The following FAM3C variants were observed in gnomAD, a reference collection of about 807,000 sequenced individuals.
The protein encoded by FAM3C is protein FAM3C.
A neutral mutation model predicts 32.5 loss-of-function variants in FAM3C; 15 were observed. The ratio of observed to expected loss-of-function variants is 0.46; its 90% CI spans 0.31 to 0.71. The LOEUF is 0.71. FAM3C is among the 30% of genes least tolerant of loss of function. The probability of loss-of-function intolerance (pLI) is 0.05; values close to 1 mark genes in which losing one functional copy is unlikely to be tolerated. For synonymous variants in FAM3C, 75 were observed against 86.1 expected, an observed-to-expected ratio of 0.87 and a Z score of 0.72; for missense variants, 175 against 274.4, an observed-to-expected ratio of 0.64 and a Z score of 2.56.
chr7:121,390,919 A>G (rs2116973486), intron 1 of FAM3C, among the ~76,000 whole-genome samples: 1 of 146,638 alleles, frequency 6.8e-6, no homozygotes, highest in East Asian at 2.1e-4. Flanking sequence ...TAAAATTCAC[A>G]TGACAAGATT....
Position 121,364,169 on chromosome 7 carries a change from TCTTAACACCA to T in FAM3C, c.282_291del (p.Ser94ArgfsTer21). 3 of 1,597,374 alleles carry T rather than the reference TCTTAACACCA, an allele frequency of 1.9e-6. No homozygotes were observed. The highest frequency in any genetic ancestry group is 2.6e-6 in the Non-Finnish European group (3 of 1,165,192). The stretch of plus-strand genomic sequence containing the variant: ...ACATTGATCCCTCTTCCAACATTAT[TCTTAACACCA>T]CTCATTAAACTGAAGGGGGAGAAAT... On this transcript the variant is annotated frameshift_variant, in exon 6 of 10. Coordinates refer to ENST00000359943, the MANE Select transcript of FAM3C (RefSeq NM_014888.3). LOFTEE classifies it high-confidence loss of function.
At chr7:121,369,618 T>A (rs1401335544) in intron 5 of FAM3C, among the ~76,000 whole-genome samples, 2 of 152,224 alleles carry the variant, frequency 1.3e-5, no homozygotes, top group African/African-American at 2.4e-5. Flanking sequence ...AAGCCCAGTA[T>A]GTATTTTACC....
intron 4 of FAM3C, 118 bp downstream of exon 4, chr7:121,371,992 A>T: frequency 1.4e-6 from 1 of 711,972 alleles, no homozygotes; most frequent in Non-Finnish European, 2.3e-6. Flanking sequence ...TCATAACTTT[A>T]AAAAGCAATT....
chr7:121,355,518 T>C (rs759180184), intron 8 of FAM3C, among the ~76,000 whole-genome samples: 20 of 152,112 alleles, frequency 1.3e-4, no homozygotes, highest in South Asian at 1.0e-3. Context: ...AAAGGGGAAC[T>C]AGTGGGAAGG....
intron 1 of FAM3C, among the ~76,000 whole-genome samples, chr7:121,395,020 A>C (rs1268561153): frequency 2.6e-5 from 4 of 152,234 alleles, no homozygotes; most frequent in African/African-American, 9.6e-5. Context: ...TCGGGAGTTC[A>C]TATTTCCATC....
intron 1 of FAM3C, among the ~76,000 whole-genome samples, chr7:121,385,108 A>T (rs1794440561): frequency 6.6e-6 from 1 of 152,158 alleles, no homozygotes; most frequent in Non-Finnish European, 1.5e-5. Flanking sequence ...AAGGGAGAAA[A>T]AGGCCTTTGC....
intron 1 of FAM3C, among the ~76,000 whole-genome samples, chr7:121,384,222 T>A (rs1391678533): frequency 6.6e-6 from 1 of 152,198 alleles, no homozygotes; most frequent in Non-Finnish European, 1.5e-5. Context: ...ATTTCCTTTG[T>A]TAATTATCTG....
At chr7:121,376,453 G>C (rs890927379) in intron 3 of FAM3C, among the ~76,000 whole-genome samples, 1 of 152,180 alleles carries the variant, frequency 6.6e-6, no homozygotes, top group African/African-American at 2.4e-5. Flanking sequence ...GCAGAATTCA[G>C]TGCAGTACAG....
rs1361839926 is a variant in FAM3C, at chr7:121,349,575, A to G, written c.*886T>C. ...ATTTCTTGGTTTACAAATCAAAATT[A>G]TTGTGATATTAAAGCATGCCTCCTT... On this transcript the variant is annotated 3_prime_UTR_variant, in exon 10 of 10. Transcript: ENST00000359943. 5 of 152,212 alleles carry G rather than the reference A, an allele frequency of 3.3e-5. No homozygotes were observed. Among genetic ancestry groups the G allele is most frequent in the Non-Finnish European group, 7.3e-5 (5 of 68,030 alleles). 9.4% of individuals were successfully genotyped at this position (152,212 alleles called of 1,614,324 possible). A position where few individuals can be genotyped will look rare whatever the true frequency, so the allele number is the denominator to read the frequency against.
chr7:121,384,891 G>A (rs1794435957), intron 1 of FAM3C, among the ~76,000 whole-genome samples: 1 of 152,090 alleles, frequency 6.6e-6, no homozygotes. Flanking sequence ...AGCAAATCAA[G>A]GAGCATCTAT....
Position 121,350,326 on chromosome 7 carries a change from A to G in FAM3C, c.*135T>C. ...TTTACGTTAGCAATAAATAATCCTG[A>G]TATCAAAAGAGACAATACTCATGCA... On this transcript the variant is annotated 3_prime_UTR_variant, in exon 10 of 10. Coordinates refer to ENST00000359943, the MANE Select transcript of FAM3C (RefSeq NM_014888.3). 1.4e-6 allele frequency: 1 copy of G among 739,928 alleles called. No homozygotes were observed. The highest frequency in any genetic ancestry group is 1.7e-5 in the South Asian group (1 of 59,084). 45.8% of individuals were successfully genotyped at this position (739,928 alleles called of 1,614,324 possible).
At chr7:121,365,673 A>G (rs749573983) in intron 5 of FAM3C, among the ~76,000 whole-genome samples, 1 of 152,138 alleles carries the variant, frequency 6.6e-6, no homozygotes, top group Non-Finnish European at 1.5e-5. Context: ...ATTAATAATT[A>G]TAATAAATGA....
At chr7:121,382,759 A>G (rs1284432733) in intron 2 of FAM3C, among the ~76,000 whole-genome samples, 198 bp downstream of exon 2, 1 of 150,144 alleles carries the variant, frequency 6.7e-6, no homozygotes, top group African/African-American at 2.4e-5. Flanking sequence ...GACTTGAACA[A>G]AAAAAAAAAT....
At chr7:121,391,766 T>C (rs1402230972) in intron 1 of FAM3C, among the ~76,000 whole-genome samples, 1 of 152,180 alleles carries the variant, frequency 6.6e-6, no homozygotes, top group African/African-American at 2.4e-5. Flanking sequence ...CCACAAAAAC[T>C]GAATGAGAAT....
chr7:121,353,844 C>A (rs1793757510), intron 8 of FAM3C, among the ~76,000 whole-genome samples: 1 of 152,184 alleles, frequency 6.6e-6, no homozygotes, highest in South Asian at 2.1e-4. Context: ...TCCCATGAAC[C>A]TTTTCCCTTT....
intron 8 of FAM3C, among the ~76,000 whole-genome samples, chr7:121,353,908 C>G (rs986620340): frequency 6.6e-6 from 1 of 152,170 alleles, no homozygotes. Flanking sequence ...ATGAGACCTA[C>G]TGGAGAACTG....
At chr7:121,389,337 T>C (rs1314471513) in intron 1 of FAM3C, among the ~76,000 whole-genome samples, 1 of 152,214 alleles carries the variant, frequency 6.6e-6, no homozygotes, top group African/African-American at 2.4e-5. Flanking sequence ...TATTTAACCA[T>C]GTCTTCCAAA....
chr7:121,359,274 T>G (rs1793875680), intron 8 of FAM3C, among the ~76,000 whole-genome samples: 1 of 152,022 alleles, frequency 6.6e-6, no homozygotes, highest in African/African-American at 2.4e-5. Context: ...GTATGCAAAT[T>G]GGAACTAGTC....
intron 8 of FAM3C, among the ~76,000 whole-genome samples, chr7:121,353,958 C>T (rs1388518019): frequency 6.6e-6 from 1 of 152,154 alleles, no homozygotes; most frequent in East Asian, 1.9e-4. Context: ...TAACACATAG[C>T]CCTGTGTATA....
Sources: allele counts gnomAD v4.1 joint callset (sites outside exome capture counted in the v4.1 genomes callset), GRCh38; gene constraint gnomAD v4.1.1; transcripts MANE v1.5; gene names NCBI Gene and HGNC (gene_info 2026-07-23, HGNC 2026-07-21).